Variants in CCDC192 observed in about 807,000 individuals in gnomAD.
CCDC192 encodes coiled-coil domain containing 192.
chr5:127,721,229 A>G (rs1272778226), intron 2 of CCDC192, among the ~76,000 whole-genome samples: 2 of 152,182 alleles, frequency 1.3e-5, no homozygotes, highest in Non-Finnish European at 2.9e-5. Context: ...CATGCATATG[A>G]CCATATGCTG....
chr5:127,737,961 G>C (rs1157806172), intron 2 of CCDC192, among the ~76,000 whole-genome samples: 3 of 151,052 alleles, frequency 2.0e-5, no homozygotes, highest in Non-Finnish European at 4.4e-5. Context: ...GTGTGAATTT[G>C]ATCCTGTCAT....
intron 6 of CCDC192, among the ~76,000 whole-genome samples, chr5:127,933,347 C>T (rs562999216): frequency 6.6e-6 from 1 of 152,134 alleles, no homozygotes; most frequent in African/African-American, 2.4e-5. Flanking sequence ...AGCAGGGTGA[C>T]CAGAGAAGAA....
chr5:127,822,090 C>T lies in CCDC192; in HGVS notation c.411+23928C>T, dbSNP rs114714199. On this transcript the variant is annotated intron_variant, in intron 5 of 6. Coordinates refer to ENST00000514853, the MANE Select transcript of CCDC192 (RefSeq NM_001317938.2). ...CCTAAGAAACAGGAACTTGCCACTG[C>T]AACTCCAGGGACAACATTCTGGGCT... Among the ~76,000 whole-genome samples, 840 of 152,332 alleles carry T rather than the reference C, an allele frequency of 5.5e-3. 12 individuals are homozygous for T. The highest frequency in any genetic ancestry group is 0.02 in the African/African-American group (812 of 41,574).
upstream of CCDC192, chr5:127,703,330 G>A: frequency 2.5e-6 from 1 of 397,586 alleles, no homozygotes; most frequent in Non-Finnish European, 4.4e-6. Context: ...CACATCCATT[G>A]TGGTAGCCTA....
chr5:127,800,376 G>GAAAAAAAAAAAAAA (rs1168212422), intron 5 of CCDC192, among the ~76,000 whole-genome samples: 6 of 19,508 alleles, frequency 3.1e-4, no homozygotes, highest in African/African-American at 9.4e-4. Flanking sequence ...GAGGTATTCT[G>GAAAAAAAAAAAAAA]AAAAAAAAAA....
chr5:127,711,927 A>C (rs1751357793), intron 2 of CCDC192, among the ~76,000 whole-genome samples: 1 of 152,060 alleles, frequency 6.6e-6, no homozygotes, highest in Non-Finnish European at 1.5e-5. Context: ...TTTAAAGTAT[A>C]CAAGTTGATG....
intron 6 of CCDC192, among the ~76,000 whole-genome samples, chr5:127,920,575 TA>T (rs1289071856): frequency 2.1e-4 from 32 of 151,994 alleles, no homozygotes; most frequent in Middle Eastern, 3.4e-3. Context: ...CACACCTGGC[TA>T]ATTTTTGTAT....
intron 5 of CCDC192, among the ~76,000 whole-genome samples, chr5:127,835,753 G>T (rs1269061185): frequency 6.6e-6 from 1 of 152,112 alleles, no homozygotes; most frequent in East Asian, 1.9e-4. Flanking sequence ...GATCTTGTGA[G>T]AACTCACTCA....
intron 3 of CCDC192, among the ~76,000 whole-genome samples, chr5:127,770,749 C>CT (rs34242524): frequency 1.3e-5 from 2 of 152,086 alleles, no homozygotes; most frequent in Non-Finnish European, 1.5e-5. Context: ...GGCTTGTTTC[C>CT]TTTTGAGAGG....
At chr5:127,909,329 G>A (rs1753282185) in intron 6 of CCDC192, among the ~76,000 whole-genome samples, 1 of 152,048 alleles carries the variant, frequency 6.6e-6, no homozygotes, top group Non-Finnish European at 1.5e-5. Flanking sequence ...CAAGGACTGA[G>A]TTACCCTAAA....
At chr5:127,759,286 GA>G (rs926394922) in intron 3 of CCDC192, among the ~76,000 whole-genome samples, 2 of 152,118 alleles carry the variant, frequency 1.3e-5, no homozygotes, top group African/African-American at 4.8e-5. Flanking sequence ...CTGCCAAAAA[GA>G]AAAAAACCAT....
At chr5:127,887,954 C>T (rs1250054699) in intron 6 of CCDC192, among the ~76,000 whole-genome samples, 2 of 152,028 alleles carry the variant, frequency 1.3e-5, no homozygotes, top group Non-Finnish European at 1.5e-5. Flanking sequence ...CCACCCGCCT[C>T]GGCCTCCCAA....
rs191158363 is a variant in CCDC192, at chr5:127,883,051, G to A, written c.535+7390G>A. Reference sequence around the variant, plus strand: ...TCACTGTTTGAGATGCTGGGACTTCGTCAAAAACCACTGCTCACCATCATC... The same window carrying A: ...TCACTGTTTGAGATGCTGGGACTTCATCAAAAACCACTGCTCACCATCATC... On this transcript the variant is annotated intron_variant, in intron 6 of 6. Transcript: ENST00000514853. 4.6e-5 allele frequency among the ~76,000 whole-genome samples: 7 copies of A among 152,262 alleles called. No individual in the cohort carries two copies. The South Asian group carries it at 6.2e-4, about 14-fold the overall frequency.
At chr5:127,865,961 CT>C (rs1005876870) in intron 5 of CCDC192, among the ~76,000 whole-genome samples, 2 of 151,886 alleles carry the variant, frequency 1.3e-5, no homozygotes, top group Non-Finnish European at 2.9e-5. Context: ...CCCCTCTGAG[CT>C]TTTTTTTATA....
intron 2 of CCDC192, among the ~76,000 whole-genome samples, chr5:127,712,350 C>T (rs1427667360): frequency 6.6e-6 from 1 of 152,164 alleles, no homozygotes; most frequent in African/African-American, 2.4e-5. Flanking sequence ...GGTTGCATCC[C>T]TCATGAATAG....
intron 3 of CCDC192, among the ~76,000 whole-genome samples, chr5:127,793,527 A>C (rs1580668567): frequency 2.6e-5 from 4 of 152,212 alleles, no homozygotes. Flanking sequence ...ATGATCTAAA[A>C]TCAGGAATGG....
At chr5:127,708,973 A>T (rs1010310695) in intron 2 of CCDC192, among the ~76,000 whole-genome samples, 5 of 151,932 alleles carry the variant, frequency 3.3e-5, no homozygotes, top group African/African-American at 1.2e-4. Context: ...AAGAGATTCA[A>T]TTGGCTCGCA....
rs559004706 is a variant in CCDC192, at chr5:127,739,188, C to A, written c.115-15080C>A. On this transcript the variant is annotated intron_variant, in intron 2 of 6. Coordinates refer to ENST00000514853, the MANE Select transcript of CCDC192 (RefSeq NM_001317938.2). ...CTGCAGGTCTGTTGGAATACCCTGCCGTGTGAGGTGTCAGTGTGCCCCTGC... is the reference window on the plus strand; with the variant it reads ...CTGCAGGTCTGTTGGAATACCCTGCAGTGTGAGGTGTCAGTGTGCCCCTGC... Among the ~76,000 whole-genome samples the A allele has an allele frequency of 4.0e-3, 611 of 152,090 alleles. 2 individuals carry two copies. The highest frequency in any genetic ancestry group is 6.8e-3 in the Middle Eastern group (2 of 294).
intron 6 of CCDC192, among the ~76,000 whole-genome samples, chr5:127,894,344 C>G (rs947701821): frequency 7.9e-5 from 12 of 152,018 alleles, no homozygotes; most frequent in African/African-American, 2.7e-4. Context: ...AGGCGCCTGC[C>G]ACCACGCCTG....
Sources: allele counts gnomAD v4.1 joint callset (sites outside exome capture counted in the v4.1 genomes callset), GRCh38; gene constraint gnomAD v4.1.1; transcripts MANE v1.5; gene names NCBI Gene and HGNC (gene_info 2026-07-23, HGNC 2026-07-21).